NDUFA9: variants seen among roughly 807,000 people sequenced by gnomAD.
NDUFA9 encodes NADH:ubiquinone oxidoreductase subunit A9.
In NDUFA9, 23 loss-of-function variants were observed where a neutral mutation model predicts 45.9. The observed-to-expected ratio is 0.50, with a 90% CI of 0.36 to 0.71. The LOEUF (loss-of-function observed/expected upper bound fraction) is 0.71. Ranked by LOEUF, NDUFA9 falls within the 30% of genes least tolerant of loss-of-function variation. The pLI, the probability that NDUFA9 is intolerant of heterozygous loss-of-function variation, is 0.00. For missense variants in NDUFA9, 466 were observed against 488.2 expected (o/e 0.95, Z 0.43); for synonymous variants, 176 against 170.5 (o/e 1.03, Z -0.25).
intron 9 of NDUFA9, among the ~76,000 whole-genome samples, chr12:4,683,009 G>T (rs1025966705): frequency 6.6e-6 from 1 of 152,058 alleles, no homozygotes; most frequent in Non-Finnish European, 1.5e-5. Context: ...GGAGTTCAAG[G>T]CTTCCAGTGA....
chr12:4,674,940 T>TG (rs1223988710), intron 8 of NDUFA9, among the ~76,000 whole-genome samples: 3 of 152,162 alleles, frequency 2.0e-5, no homozygotes, highest in African/African-American at 7.2e-5. Flanking sequence ...TCTCAGCAAA[T>TG]GCGAAAGAAC....
chr12:4,682,108 A>G (rs1318421853), intron 8 of NDUFA9, 97 bp from the exon 9 acceptor site: 2 of 858,062 alleles, frequency 2.3e-6, no homozygotes, highest in East Asian at 5.0e-5. Context: ...TACAGTGCAT[A>G]TATGTTTCCT....
intron 6 of NDUFA9, among the ~76,000 whole-genome samples, chr12:4,666,064 C>T (rs1945851471): frequency 6.6e-6 from 1 of 152,188 alleles, no homozygotes; most frequent in South Asian, 2.1e-4. Context: ...CCCAGCCTCC[C>T]AAAGTTCTAG....
In NDUFA9 at chr12:4,678,571, C is replaced by G. The variant is rs142428552; in HGVS notation, c.801-3634C>G. Among the ~76,000 whole-genome samples, 53 of 152,154 alleles carry G rather than the reference C, an allele frequency of 3.5e-4. 1 individual carries two copies. The highest frequency in any genetic ancestry group is 1.3e-3 in the African/African-American group (53 of 41,534). On this transcript the variant is annotated intron_variant, in intron 8 of 10. Transcript: ENST00000266544. Reference sequence around the variant, plus strand: ...TACATATCTGATAGAGGACTACTATCTAGAATATACAAAGAAATCTTAGAA... The same window carrying G: ...TACATATCTGATAGAGGACTACTATGTAGAATATACAAAGAAATCTTAGAA...
intron 6 of NDUFA9, among the ~76,000 whole-genome samples, chr12:4,663,350 T>C (rs999376359): frequency 1.3e-4 from 20 of 151,884 alleles, no homozygotes; most frequent in African/African-American, 4.1e-4. Context: ...CCATCTGCTA[T>C]GGGCTAAATT....
intron 6 of NDUFA9, among the ~76,000 whole-genome samples, chr12:4,666,478 C>A (rs1945853821): frequency 6.6e-6 from 1 of 152,118 alleles, no homozygotes; most frequent in African/African-American, 2.4e-5. Context: ...TGCCATGAAG[C>A]TTTCTCCTTT....
chr12:4,672,570 ATTTGAGTAGGTGGTT>A (rs371987072), intron 8 of NDUFA9, among the ~76,000 whole-genome samples: 19 of 152,256 alleles, frequency 1.2e-4, no homozygotes, highest in African/African-American at 4.6e-4. Context: ...CATTGCTGAG[ATTTGAGTAGGTGGTT>A]TTCCCCTCAC....
chr12:4,674,622 A>G (rs1267830672), intron 8 of NDUFA9, among the ~76,000 whole-genome samples: 1 of 152,228 alleles, frequency 6.6e-6, no homozygotes, highest in Non-Finnish European at 1.5e-5. Context: ...AGAGCTAACT[A>G]TCCTGAATAT....
intron 3 of NDUFA9, 150 bp from the exon 4 acceptor site, chr12:4,657,598 T>G (rs1381312801): frequency 6.5e-6 from 4 of 619,428 alleles, no homozygotes; most frequent in Non-Finnish European, 1.2e-5. Flanking sequence ...ATGTCATTTC[T>G]GTTGTAATAA....
intron 6 of NDUFA9, among the ~76,000 whole-genome samples, chr12:4,666,183 T>TTGGAGCCAAA (rs1945852281): frequency 6.6e-6 from 1 of 152,236 alleles, no homozygotes; most frequent in African/African-American, 2.4e-5. Flanking sequence ...GCTACTTTAT[T>TTGGAGCCAAA]ATTTGGAGAA....
chr12:4,660,163 G>A (rs1234686221), intron 5 of NDUFA9, among the ~76,000 whole-genome samples: 2 of 152,154 alleles, frequency 1.3e-5, no homozygotes, highest in African/African-American at 2.4e-5. Context: ...CTAGGCTGTA[G>A]GGCAGTGAGT....
intron 8 of NDUFA9, among the ~76,000 whole-genome samples, chr12:4,674,748 T>G (rs1945908542): frequency 6.6e-6 from 1 of 152,096 alleles, no homozygotes; most frequent in Non-Finnish European, 1.5e-5. Flanking sequence ...ACTGTCAATA[T>G]TAGAAAGATC....
At chr12:4,676,170 C>G (rs10082907) in intron 8 of NDUFA9, among the ~76,000 whole-genome samples, 67,130 of 151,954 alleles carry the variant, frequency 0.44, 15,272 homozygotes, top group Non-Finnish European at 0.5. Context: ...TATGACAAAC[C>G]CACAGCCAAT....
chr12:4,664,778 GATT>G (rs1945843656), intron 6 of NDUFA9, among the ~76,000 whole-genome samples: 1 of 152,234 alleles, frequency 6.6e-6, no homozygotes, highest in Admixed American at 6.5e-5. Context: ...AGGCAAAGAA[GATT>G]ATTGATTTTT....
intron 5 of NDUFA9, among the ~76,000 whole-genome samples, chr12:4,661,904 G>A (rs1468854603): frequency 6.6e-6 from 1 of 152,082 alleles, no homozygotes; most frequent in Non-Finnish European, 1.5e-5. Context: ...GAAGGAAGAG[G>A]AGGTCGTTGG....
At chr12:4,671,491 G>A (rs1203886537) in intron 8 of NDUFA9, among the ~76,000 whole-genome samples, 1 of 152,066 alleles carries the variant, frequency 6.6e-6, no homozygotes, top group Non-Finnish European at 1.5e-5. Context: ...TTCATGGATT[G>A]AATGAGTCAG....
intron 9 of NDUFA9, among the ~76,000 whole-genome samples, chr12:4,684,489 A>G (rs1193639683): frequency 6.8e-6 from 1 of 147,986 alleles, no homozygotes; most frequent in African/African-American, 2.5e-5. Flanking sequence ...ACCCACTGCT[A>G]CTGGGCACAG....
intron 8 of NDUFA9, among the ~76,000 whole-genome samples, chr12:4,673,111 C>G (rs1248069243): frequency 6.6e-6 from 1 of 152,170 alleles, no homozygotes; most frequent in African/African-American, 2.4e-5. Context: ...GGACCTCCAG[C>G]AGACCTGCAG....
Position 4,680,753 on chromosome 12 carries a change from G to C in NDUFA9, c.801-1452G>C, listed in dbSNP as rs150562639. 1.3e-3 allele frequency among the ~76,000 whole-genome samples: 198 copies of C among 152,294 alleles called. 1 individual carries two copies. The highest frequency in any genetic ancestry group is 4.7e-3 in the African/African-American group (194 of 41,568). On this transcript the variant is annotated intron_variant, in intron 8 of 10. Transcript: ENST00000266544. ...TGATAGTTTCATGTTTTTTAGTAAAGTATGTCAGAATAATGAGGTTCTCAC... is the reference window on the plus strand; with the variant it reads ...TGATAGTTTCATGTTTTTTAGTAAACTATGTCAGAATAATGAGGTTCTCAC...
Sources: gnomAD v4.1 joint callset for allele counts (sites outside exome capture counted in the v4.1 genomes callset) on GRCh38, gnomAD v4.1.1 for gene constraint, MANE v1.5 for transcripts, NCBI Gene and HGNC (gene_info 2026-07-23, HGNC 2026-07-21) for gene names.